UBE2W: variants seen among roughly 807,000 people sequenced by gnomAD.
UBE2W encodes the protein ubiquitin-conjugating enzyme E2 W.
UBE2W carries 18 observed loss-of-function variants against 27.2 expected under a neutral mutation model. The ratio of observed to expected loss-of-function variants is 0.66; its 90% CI spans 0.46 to 0.98. The LOEUF is 0.98. UBE2W is among the 50% of genes least tolerant of loss of function. UBE2W has a pLI of 0.00. For missense variants in UBE2W, 90 were observed against 180.2 expected (o/e 0.50, Z 2.87); for synonymous variants, 53 against 57.2 (o/e 0.93, Z 0.33).
At chr8:73,866,755 A>G (rs1811790882) in intron 1 of UBE2W, among the ~76,000 whole-genome samples, 2 of 152,066 alleles carry the variant, frequency 1.3e-5, no homozygotes, top group Non-Finnish European at 1.5e-5. Context: ...AGCCCACAGA[A>G]AAAAAGTAAA....
At chr8:73,866,290 A>AAAAT (rs1248216873) in intron 1 of UBE2W, among the ~76,000 whole-genome samples, 6 of 43,088 alleles carry the variant, frequency 1.4e-4, no homozygotes, top group African/African-American at 3.0e-4. Flanking sequence ...AAAAAAAAAA[A>AAAAT]ATATATATAT....
chr8:73,826,399 G>T (rs1225165210), intron 2 of UBE2W, among the ~76,000 whole-genome samples: 3 of 151,998 alleles, frequency 2.0e-5, no homozygotes, highest in African/African-American at 7.3e-5. Flanking sequence ...GTACACCTGG[G>T]CAATTCTCTT....
At chr8:73,810,427 T>C in intron 4 of UBE2W, 47 bp downstream of exon 4, 2 of 1,524,398 alleles carry the variant, frequency 1.3e-6, no homozygotes, top group Non-Finnish European at 1.8e-6. Context: ...TTTATCTACC[T>C]AACTGAAAGA....
At chr8:73,868,835 C>T (rs1393539327) in intron 1 of UBE2W, among the ~76,000 whole-genome samples, 1 of 152,058 alleles carries the variant, frequency 6.6e-6, no homozygotes, top group East Asian at 1.9e-4. Context: ...ACTGTATGAC[C>T]CATTTGTTCA....
chr8:73,834,974 C>A (rs780600098), intron 1 of UBE2W, among the ~76,000 whole-genome samples: 1 of 152,078 alleles, frequency 6.6e-6, no homozygotes. Flanking sequence ...GATAATAGAA[C>A]CCTTTGTAGA....
chr8:73,842,287 G>A (rs1025355809), intron 1 of UBE2W, among the ~76,000 whole-genome samples: 1 of 152,008 alleles, frequency 6.6e-6, no homozygotes, highest in Non-Finnish European at 1.5e-5. Flanking sequence ...CCAGCACTCT[G>A]GGAGGCCGAG....
intron 1 of UBE2W, among the ~76,000 whole-genome samples, chr8:73,849,431 G>T (rs1167396792): frequency 7.6e-6 from 1 of 132,310 alleles, no homozygotes. Context: ...ATAATAGCTT[G>T]AACAGCGGAG....
rs898584052 is a variant in UBE2W at position 73,872,860 on chromosome 8, T to G, written c.15+5948A>C. On this transcript the variant is annotated intron_variant, in intron 1 of 5. Coordinates refer to ENST00000602593, the MANE Select transcript of UBE2W (RefSeq NM_018299.6). ...CTTGTGTACTGAGTAAAATTATAAT[T>G]GTAAATTTTTACTGTTCAAAGATAA... Among the ~76,000 whole-genome samples, 6 of 152,252 alleles carry G rather than the reference T, an allele frequency of 3.9e-5. 1 individual carries two copies. Among genetic ancestry groups the G allele is most frequent in the Admixed American group, 3.9e-4 (6 of 15,294 alleles).
At chr8:73,824,085 C>T (rs1586481637) in intron 3 of UBE2W, among the ~76,000 whole-genome samples, 2 of 152,250 alleles carry the variant, frequency 1.3e-5, no homozygotes, top group East Asian at 1.9e-4. Context: ...TTTTAGCCAA[C>T]GGATCTCACA....
At chr8:73,801,484 A>C (rs1252524302) in intron 5 of UBE2W, among the ~76,000 whole-genome samples, 1 of 152,254 alleles carries the variant, frequency 6.6e-6, no homozygotes, top group Non-Finnish European at 1.5e-5. Flanking sequence ...GTTTAAAAAC[A>C]CTTGTAAAAA....
chr8:73,844,173 T>TCC (rs1810665189), intron 1 of UBE2W, among the ~76,000 whole-genome samples: 4 of 38,900 alleles, frequency 1.0e-4, no homozygotes, highest in African/African-American at 5.7e-4. Flanking sequence ...CCCCTCCCCC[T>TCC]CTGCACGGAC....
chr8:73,792,451 TAAC>T lies in UBE2W; in HGVS notation c.*1648_*1650del, dbSNP rs1808244089. Reference sequence around the variant, plus strand: ...GAGTGTAAAATTATATGCCCTTAATTAACAACATGTACAAAGCTACAAAATGTC... The same window carrying T: ...GAGTGTAAAATTATATGCCCTTAATTAACATGTACAAAGCTACAAAATGTC... On this transcript the variant is annotated 3_prime_UTR_variant, in exon 6 of 6. Transcript: ENST00000602593. The T allele has an allele frequency of 2.0e-6, 2 of 985,646 alleles. No homozygotes were observed. Among genetic ancestry groups the T allele is most frequent in the African/African-American group, 1.7e-5 (1 of 57,338 alleles). 61.1% of individuals were successfully genotyped at this position (985,646 alleles called of 1,614,324 possible).
intron 1 of UBE2W, among the ~76,000 whole-genome samples, chr8:73,866,127 C>T (rs185906883): frequency 2.4e-4 from 37 of 151,636 alleles, no homozygotes; most frequent in Admixed American, 1.3e-3. Flanking sequence ...AAAAATTAGC[C>T]GGGTGTGGCA....
chr8:73,823,150 C>A (rs915974337), intron 3 of UBE2W, among the ~76,000 whole-genome samples: 6 of 152,064 alleles, frequency 3.9e-5, no homozygotes, highest in African/African-American at 1.4e-4. Flanking sequence ...AATAAAGAAC[C>A]TGGATAACAC....
chr8:73,874,420 A>T (rs1812134420), intron 1 of UBE2W, among the ~76,000 whole-genome samples: 1 of 152,176 alleles, frequency 6.6e-6, no homozygotes, highest in African/African-American at 2.4e-5. Flanking sequence ...CGACAGCGAG[A>T]CTCTGTCTCA....
chr8:73,825,618 A>G (rs1385087987), intron 2 of UBE2W, among the ~76,000 whole-genome samples: 1 of 152,214 alleles, frequency 6.6e-6, no homozygotes, highest in Non-Finnish European at 1.5e-5. Flanking sequence ...CCTGACCAAC[A>G]TGGTGAAACC....
chr8:73,789,341 A>AAAAAAAC lies in UBE2W; in HGVS notation c.*4760_*4761insGTTTTTT. The stretch of plus-strand genomic sequence containing the variant: ...AAAAAAAAAAAAAAAAAAAAAAAAA[A>AAAAAAAC]ATTCTATCCATCCAGGCATGGTGGC... On this transcript the variant is annotated 3_prime_UTR_variant, in exon 6 of 6. Transcript: ENST00000602593. The AAAAAAAC allele has an allele frequency of 3.6e-6, 1 of 274,044 alleles. No individual in the cohort carries two copies. The highest frequency in any genetic ancestry group is 5.3e-6 in the Non-Finnish European group (1 of 188,104). 17.0% of individuals were successfully genotyped at this position (274,044 alleles called of 1,614,324 possible). A position where few individuals can be genotyped will look rare whatever the true frequency, so the allele number is the denominator to read the frequency against.
At position 73,789,976 on chromosome 8, in the gene UBE2W, T is replaced by A. The variant is rs896758021; in HGVS notation, c.*4126A>T. ...AGTCCTCATCCGAAAATAACAAAAT[T>A]TCCTTAATATTAGTACTAAAGAACT... On this transcript the variant is annotated 3_prime_UTR_variant, in exon 6 of 6. Coordinates refer to ENST00000602593, the MANE Select transcript of UBE2W (RefSeq NM_018299.6). 4 of 984,412 alleles carry A rather than the reference T, an allele frequency of 4.1e-6. No individual in the cohort carries two copies. In the African/African-American group the frequency reaches 7.0e-5, roughly 17 times the overall value. 61.0% of individuals were successfully genotyped at this position (984,412 alleles called of 1,614,324 possible). A position where few individuals can be genotyped will look rare whatever the true frequency, so the allele number is the denominator to read the frequency against.
chr8:73,818,829 C>A (rs1367715880), intron 3 of UBE2W, among the ~76,000 whole-genome samples: 1 of 152,244 alleles, frequency 6.6e-6, no homozygotes, highest in African/African-American at 2.4e-5. Flanking sequence ...GCTCCCTCTT[C>A]ACCTTCTGCC....
Sources: gnomAD v4.1 joint callset for allele counts (sites outside exome capture counted in the v4.1 genomes callset) on GRCh38, gnomAD v4.1.1 for gene constraint, MANE v1.5 for transcripts, NCBI Gene and HGNC (gene_info 2026-07-23, HGNC 2026-07-21) for gene names.